The following GRIK2 variants were observed in gnomAD, a reference collection of about 807,000 sequenced individuals.
The protein encoded by GRIK2 is glutamate receptor ionotropic, kainate 2.
A neutral mutation model predicts 100.3 loss-of-function variants in GRIK2; 32 were observed. The observed-to-expected ratio is 0.32, with a 90% CI of 0.24 to 0.43. GRIK2 has a LOEUF of 0.43. Among genes scored for constraint, GRIK2 ranks in the 20% least tolerant of loss-of-function variants. The pLI is 1.00. For synonymous variants in GRIK2, 417 were observed against 389.4 expected, an observed-to-expected ratio of 1.07 and a Z score of -0.83; for missense variants, 843 against 1,114.9, an observed-to-expected ratio of 0.76 and a Z score of 3.47.
intron 4 of GRIK2, among the ~76,000 whole-genome samples, chr6:101,666,509 G>C (rs1770043752): frequency 6.6e-6 from 1 of 152,188 alleles, no homozygotes; most frequent in African/African-American, 2.4e-5. Context: ...CACATTGTTT[G>C]ACTAATCACA....
intron 14 of GRIK2, among the ~76,000 whole-genome samples, chr6:101,929,010 G>A (rs535584449): frequency 1.3e-5 from 2 of 152,152 alleles, no homozygotes; most frequent in Non-Finnish European, 2.9e-5. Flanking sequence ...ATAATTACTC[G>A]GAAAAATGTT....
intron 7 of GRIK2, among the ~76,000 whole-genome samples, chr6:101,691,973 G>A (rs893451793): frequency 1.4e-5 from 2 of 142,436 alleles, no homozygotes; most frequent in African/African-American, 5.3e-5. Flanking sequence ...GATCACTTGA[G>A]CCTGGGAAGT....
intron 7 of GRIK2, among the ~76,000 whole-genome samples, chr6:101,754,679 C>T (rs1777014122): frequency 6.6e-6 from 1 of 152,188 alleles, no homozygotes; most frequent in Non-Finnish European, 1.5e-5. Context: ...TAGGTTAGCA[C>T]ATAGCTGAGG....
chr6:101,538,623 T>A (rs940607257), intron 2 of GRIK2, among the ~76,000 whole-genome samples: 7 of 151,360 alleles, frequency 4.6e-5, no homozygotes, highest in South Asian at 2.1e-4. Context: ...TTTTTTTTTT[T>A]AAATTCAACC....
At chr6:101,968,969 T>G (rs551988124) in intron 14 of GRIK2, among the ~76,000 whole-genome samples, 1 of 152,140 alleles carries the variant, frequency 6.6e-6, no homozygotes, top group African/African-American at 2.4e-5. Context: ...TAGAGAAGAA[T>G]ATTTTAAACA....
chr6:102,067,786 A>C (rs2114543822), intron 16 of GRIK2, among the ~76,000 whole-genome samples: 1 of 151,988 alleles, frequency 6.6e-6, no homozygotes, highest in African/African-American at 2.4e-5. Context: ...AATCACTGTC[A>C]ATGTTTCTAT....
In GRIK2 at chr6:102,028,410, C is replaced by T. The variant is rs139398674; in HGVS notation, c.2086-6931C>T. Among the ~76,000 whole-genome samples the T allele has an allele frequency of 8.2e-4, 124 of 151,258 alleles. 1 individual carries two copies. The highest frequency in any genetic ancestry group is 2.1e-3 in the South Asian group (10 of 4,820). On this transcript the variant is annotated intron_variant, in intron 14 of 16. Coordinates refer to ENST00000369134, the MANE Select transcript of GRIK2 (RefSeq NM_021956.5). Reference sequence around the variant, plus strand: ...AAAAAACAAATCGGCTTACAAGCCTCGGCATTTTTATAAAATAAACATTGC... The same window carrying T: ...AAAAAACAAATCGGCTTACAAGCCTTGGCATTTTTATAAAATAAACATTGC...
intron 14 of GRIK2, among the ~76,000 whole-genome samples, chr6:101,937,263 C>T (rs1018618161): frequency 2.0e-5 from 3 of 152,132 alleles, no homozygotes; most frequent in Non-Finnish European, 4.4e-5. Context: ...CTCCCTTGTC[C>T]TCCCTCCTTT....
At chr6:101,669,345 T>C (rs970959239) in intron 4 of GRIK2, among the ~76,000 whole-genome samples, 4 of 152,174 alleles carry the variant, frequency 2.6e-5, no homozygotes, top group Non-Finnish European at 5.9e-5. Flanking sequence ...TTCAGCAAAA[T>C]TAATTTTGCC....
intron 14 of GRIK2, among the ~76,000 whole-genome samples, chr6:101,998,097 C>A (rs145057444): frequency 6.6e-6 from 1 of 152,080 alleles, no homozygotes; most frequent in South Asian, 2.1e-4. Context: ...GTAATATGGA[C>A]CACACACCTT....
At chr6:101,668,458 C>T (rs1285451907) in intron 4 of GRIK2, among the ~76,000 whole-genome samples, 2 of 152,080 alleles carry the variant, frequency 1.3e-5, no homozygotes, top group Admixed American at 1.3e-4. Flanking sequence ...GGTACATATG[C>T]ACTATTTAGT....
At chr6:101,587,293 A>G (rs1778422771) in intron 2 of GRIK2, among the ~76,000 whole-genome samples, 1 of 152,118 alleles carries the variant, frequency 6.6e-6, no homozygotes, top group Non-Finnish European at 1.5e-5. Context: ...AAATTCCCCA[A>G]ATGTGACACA....
chr6:101,731,345 G>T (rs1389347734), intron 7 of GRIK2, among the ~76,000 whole-genome samples: 1 of 151,974 alleles, frequency 6.6e-6, no homozygotes. Flanking sequence ...CTTTAGGAAG[G>T]AGTGAAAATA....
chr6:101,407,783 T>C (rs1775669884), intron 2 of GRIK2, among the ~76,000 whole-genome samples: 1 of 152,146 alleles, frequency 6.6e-6, no homozygotes, highest in South Asian at 2.1e-4. Flanking sequence ...GATTGTGTAA[T>C]CCAGTTAAAG....
At chr6:101,591,962 C>T (rs147618905) in intron 2 of GRIK2, among the ~76,000 whole-genome samples, 1,815 of 152,056 alleles carry the variant, frequency 0.012, 60 homozygotes, top group Admixed American at 0.061. Context: ...GGGGCAGATT[C>T]CTCATGAATG....
At chr6:101,449,088 G>C (rs958105517) in intron 2 of GRIK2, among the ~76,000 whole-genome samples, 1 of 151,386 alleles carries the variant, frequency 6.6e-6, no homozygotes, top group Non-Finnish European at 1.5e-5. Flanking sequence ...AAAGAAAATT[G>C]ACAAAAGACA....
intron 4 of GRIK2, among the ~76,000 whole-genome samples, chr6:101,652,988 G>A (rs1456385618): frequency 5.3e-5 from 8 of 152,132 alleles, no homozygotes; most frequent in Non-Finnish European, 1.2e-4. Flanking sequence ...GGAGTGCATT[G>A]TGACTTGTGA....
chr6:101,485,506 T>G (rs1249683183), intron 2 of GRIK2, among the ~76,000 whole-genome samples: 1 of 152,150 alleles, frequency 6.6e-6, no homozygotes, highest in Non-Finnish European at 1.5e-5. Flanking sequence ...GTGACAATTT[T>G]GGGGAACTTT....
intron 2 of GRIK2, among the ~76,000 whole-genome samples, chr6:101,475,411 A>T (rs1772176455): frequency 6.6e-6 from 1 of 151,998 alleles, no homozygotes; most frequent in Admixed American, 6.6e-5. Context: ...ATTGGAGAGG[A>T]TGTAGTTTAA....
Sources: allele counts gnomAD v4.1 joint callset (sites outside exome capture counted in the v4.1 genomes callset), GRCh38; gene constraint gnomAD v4.1.1; transcripts MANE v1.5; gene names NCBI Gene and HGNC (gene_info 2026-07-23, HGNC 2026-07-21).